The following RASGRF1 variants were observed in gnomAD, a reference collection of about 807,000 sequenced individuals.
The protein encoded by RASGRF1 is Ras protein specific guanine nucleotide releasing factor 1.
RASGRF1 carries 40 observed loss-of-function variants against 138.7 expected under a neutral mutation model. The observed-to-expected ratio is 0.29, with a 90% confidence interval of 0.22 to 0.38. The LOEUF is 0.38. Ranked by LOEUF, RASGRF1 falls within the 10% of genes least tolerant of loss-of-function variation. The pLI is 1.00. For missense variants in RASGRF1, 1,108 were observed against 1,650.4 expected (o/e 0.67, Z 5.69); for synonymous variants, 614 against 663.2 (o/e 0.93, Z 1.14).
intron 5 of RASGRF1, 78 bp from the exon 6 acceptor site, chr15:79,035,288 G>C: frequency 4.2e-6 from 5 of 1,204,102 alleles, no homozygotes; most frequent in Non-Finnish European, 5.9e-6. Context: ...CAAACCTCCT[G>C]CGTGACTTCA....
rs1303714414 is a variant in RASGRF1, at chr15:78,959,952, TATA to T, written c.*2189_*2191del. The T allele has an allele frequency of 2.7e-5, 4 of 150,422 alleles. No homozygotes were observed. Among genetic ancestry groups the T allele is most frequent in the South Asian group, 2.1e-4 (1 of 4,832 alleles). The allele number at this position is 150,422 out of a possible 1,614,324, so 9.3% of individuals were successfully genotyped here. A position where few individuals can be genotyped will look rare whatever the true frequency, so the allele number is the denominator to read the frequency against. ...TTTAATAGTACTTAATACCATTAAT[TATA>T]ATAATTCATTTAATTCTACTCTGTA... On this transcript the variant is annotated 3_prime_UTR_variant, in exon 27 of 27. Transcript: ENST00000558480.
In RASGRF1 at chr15:78,995,772, T is replaced by C. The variant is rs1203925566; in HGVS notation, c.2995A>G (p.Asn999Asp). 1.9e-6 allele frequency: 3 copies of C among 1,614,036 alleles called. No homozygotes were observed. Among genetic ancestry groups the C allele is most frequent in the Non-Finnish European group, 2.5e-6 (3 of 1,180,024 alleles). Residue 999 changes from asparagine (N) to aspartate (D), a missense_variant, in exon 20 of 27, where the codon AAC becomes GAC. Asn to Asp is a conservative substitution (Grantham distance 23). Transcript: ENST00000558480. ...RTLTQEDPGD[N>D]QITLEEITQM... is the part of the protein sequence containing the mutation. ...GTGATCTCCTCCAGCGTGATCTGGTTGTCACCTGGGTCCTCCTGGGTCAGA... is the reference window on the plus strand; with the variant it reads ...GTGATCTCCTCCAGCGTGATCTGGTCGTCACCTGGGTCCTCCTGGGTCAGA...
chr15:79,049,526 A>G lies in RASGRF1; in HGVS notation c.594T>C (p.Asp198=). The change falls in exon 4 of 27, where the codon GAT becomes GAC. Residue 198 remains aspartate (D), a synonymous_variant. Transcript: ENST00000558480. ...TAATTTTCTTGATGTCGCTGTCTTC[A>G]TCGTTGGGGGCGACAGTCTGGGTGG... ...IQSTQTVAPN[D]EDSDIKKIKK... is the part of the protein sequence containing the mutation. 1.9e-6 allele frequency: 3 copies of G among 1,614,032 alleles called. No individual in the cohort carries two copies. Among genetic ancestry groups the G allele is most frequent in the Non-Finnish European group, 2.5e-6 (3 of 1,179,998 alleles).
In RASGRF1 at chr15:78,976,139, G is replaced by A. The variant is rs114428047; in HGVS notation, c.3495-2719C>T. On this transcript the variant is annotated intron_variant, in intron 24 of 26. Transcript: ENST00000558480. The stretch of plus-strand genomic sequence containing the variant: ...ACCCAGATCAGTGAAAAGGATCAGA[G>A]GTCCTCTGATCACTGAGGGTCGACT... Among the ~76,000 whole-genome samples the A allele has an allele frequency of 4.6e-3, 696 of 152,186 alleles. 8 individuals carry two copies. Among genetic ancestry groups the A allele is most frequent in the African/African-American group, 0.016 (676 of 41,514 alleles).
At chr15:79,082,553 T>C (rs753046901) in intron 1 of RASGRF1, among the ~76,000 whole-genome samples, 7 of 152,220 alleles carry the variant, frequency 4.6e-5, no homozygotes, top group Admixed American at 2.0e-4. Flanking sequence ...CAACCCAACC[T>C]ACCCTGACCG....
chr15:78,984,168 G>A (rs78604055), intron 23 of RASGRF1, among the ~76,000 whole-genome samples: 6,091 of 152,234 alleles, frequency 0.04, 193 homozygotes, highest in African/African-American at 0.074. Context: ...CAGGGCCCTT[G>A]GAGCCACTGG....
chr15:78,996,009 T>C (rs2056384279), intron 19 of RASGRF1, among the ~76,000 whole-genome samples: 1 of 152,192 alleles, frequency 6.6e-6, no homozygotes, highest in African/African-American at 2.4e-5. Flanking sequence ...TGGGGCCCTC[T>C]CAGCCCCTGG....
chr15:78,968,250 A>ATTTTGTGTGTGTGTGTG (rs140770821), intron 26 of RASGRF1, among the ~76,000 whole-genome samples: 2 of 134,226 alleles, frequency 1.5e-5, no homozygotes, highest in Non-Finnish European at 3.3e-5. Flanking sequence ...CATGACACTG[A>ATTTTGTGTGTGTGTGTG]TGTGTGTGTG....
chr15:79,070,759 T>A (rs559535061), intron 1 of RASGRF1, among the ~76,000 whole-genome samples: 1 of 152,334 alleles, frequency 6.6e-6, no homozygotes, highest in Admixed American at 6.5e-5. Context: ...TTAATATTTT[T>A]AATAACTTTC....
Position 79,090,687 on chromosome 15 carries a change from A to C in RASGRF1, c.-189T>G, listed in dbSNP as rs1479648404. On this transcript the variant is annotated 5_prime_UTR_variant, in exon 1 of 27. It removes an upstream start codon present in the reference 5' UTR. Transcript: ENST00000558480. ...GCGGCTTCTTGAATCCAGATATACC[A>C]TTCCCCGCTGGAACCTCTTCTCCGC... The C allele has an allele frequency of 2.7e-6, 2 of 751,192 alleles. No homozygotes were observed. The highest frequency in any genetic ancestry group is 4.2e-6 in the Non-Finnish European group (2 of 481,870). The allele number at this position is 751,192 out of a possible 1,614,324, so 46.5% of individuals were successfully genotyped here.
chr15:79,014,419 A>C (rs2056846141), intron 13 of RASGRF1, among the ~76,000 whole-genome samples: 1 of 152,246 alleles, frequency 6.6e-6, no homozygotes, highest in Non-Finnish European at 1.5e-5. Flanking sequence ...ATAAAAGGGA[A>C]TGAATTAATG....
intron 13 of RASGRF1, among the ~76,000 whole-genome samples, chr15:79,011,955 G>A (rs1205994547): frequency 6.6e-6 from 1 of 151,898 alleles, no homozygotes; most frequent in Non-Finnish European, 1.5e-5. Flanking sequence ...AGTAGAGGCT[G>A]CAGTGAGCCG....
At chr15:78,966,396 C>T (rs1254225429) in intron 26 of RASGRF1, among the ~76,000 whole-genome samples, 1 of 151,800 alleles carries the variant, frequency 6.6e-6, no homozygotes, top group Non-Finnish European at 1.5e-5. Context: ...GCCACTACGC[C>T]TGGCTAATGT....
chr15:79,039,855 G>A (rs569844769), intron 5 of RASGRF1, among the ~76,000 whole-genome samples: 80 of 147,954 alleles, frequency 5.4e-4, no homozygotes, highest in Non-Finnish European at 9.3e-4. Flanking sequence ...CTGTAGCCTC[G>A]GCCTCCTGGG....
At chr15:79,049,462 T>G (rs767543728) in intron 4 of RASGRF1, 34 bp downstream of exon 4, 5 of 1,599,872 alleles carry the variant, frequency 3.1e-6, no homozygotes, top group Non-Finnish European at 4.3e-6. Context: ...AAGAGAGAGC[T>G]CCAAAGAAGG....
In RASGRF1 at chr15:78,978,815, A is replaced by G. The variant is rs892546423; in HGVS notation, c.3494+1805T>C. ...CCTCCCTCCTCTGTGTGCCCTGCCT[A>G]TGTCTCTGCAAGTCCAGAACCTGGT... On this transcript the variant is annotated intron_variant, in intron 24 of 26. Transcript: ENST00000558480. 7 of 1,167,232 alleles carry G rather than the reference A, an allele frequency of 6.0e-6. No individual in the cohort carries two copies. The South Asian group carries it at 1.2e-4, about 20-fold the overall frequency. The allele number at this position is 1,167,232 out of a possible 1,614,324, so 72.3% of individuals were successfully genotyped here.
chr15:78,999,689 G>T, intron 17 of RASGRF1, 54 bp downstream of exon 17: 2 of 1,578,682 alleles, frequency 1.3e-6, no homozygotes, highest in South Asian at 1.1e-5. Context: ...GCTATCACCT[G>T]CCACTGGGGC....
chr15:79,042,775 G>C (rs887711318), intron 5 of RASGRF1, among the ~76,000 whole-genome samples: 1 of 152,246 alleles, frequency 6.6e-6, no homozygotes, highest in Non-Finnish European at 1.5e-5. Flanking sequence ...TGCTGGCAGA[G>C]AGCCCAGCAC....
chr15:79,050,648 C>T lies in RASGRF1; in HGVS notation c.532-1060G>A, dbSNP rs2057418167. ...CTCCATTTGCATAATTTGGGGATCACAGATGTCGACATAGCTGCAAGAACA... is the reference window on the plus strand; with the variant it reads ...CTCCATTTGCATAATTTGGGGATCATAGATGTCGACATAGCTGCAAGAACA... On this transcript the variant is annotated intron_variant, in intron 3 of 26. Transcript: ENST00000558480. This position sits in a 1 kb window ranked among gnomAD's most constrained non-coding sequence, Gnocchi z 4.1. Among the ~76,000 whole-genome samples the T allele has an allele frequency of 6.6e-6, 1 of 152,218 alleles. No homozygotes were observed. The highest frequency in any genetic ancestry group is 2.4e-5 in the African/African-American group (1 of 41,452).
Sources: allele counts gnomAD v4.1 joint callset (sites outside exome capture counted in the v4.1 genomes callset), GRCh38; gene constraint gnomAD v4.1.1; non-coding constraint Gnocchi (gnomAD v3.1); transcripts MANE v1.5; gene names NCBI Gene and HGNC (gene_info 2026-07-23, HGNC 2026-07-21).